CFAP299: variants seen among roughly 807,000 people sequenced by gnomAD.
The protein encoded by CFAP299 is cilia- and flagella-associated protein 299.
Under a neutral mutation model 27.0 loss-of-function variants are expected in CFAP299, and 21 were observed. The ratio of observed to expected loss-of-function variants is 0.78; its 90% CI spans 0.55 to 1.12. The LOEUF is 1.12. Among genes scored for constraint, CFAP299 ranks in the 50% most tolerant of loss-of-function variants. The pLI, the probability that CFAP299 is intolerant of heterozygous loss-of-function variation, is 0.00. For missense variants in CFAP299, 310 were observed against 276.6 expected, an observed-to-expected ratio of 1.12 and a Z score of -0.86; for synonymous variants, 104 against 98.1, an observed-to-expected ratio of 1.06 and a Z score of -0.36.
intron 2 of CFAP299, among the ~76,000 whole-genome samples, chr4:80,445,195 A>T (rs1215647708): frequency 6.6e-6 from 1 of 152,216 alleles, no homozygotes; most frequent in East Asian, 1.9e-4. Flanking sequence ...AAGGATTATA[A>T]ATCATTCTAT....
chr4:80,345,291 A>T (rs1217401806), intron 1 of CFAP299, among the ~76,000 whole-genome samples: 1 of 151,692 alleles, frequency 6.6e-6, no homozygotes, highest in Admixed American at 6.6e-5. Flanking sequence ...TATTATTATT[A>T]TACTTTAAGT....
At chr4:80,500,153 A>G (rs1731670950) in intron 2 of CFAP299, among the ~76,000 whole-genome samples, 1 of 152,248 alleles carries the variant, frequency 6.6e-6, no homozygotes, top group Non-Finnish European at 1.5e-5. Context: ...AGTGACTTCT[A>G]GTTAATCAAT....
chr4:80,776,671 G>A (rs754977578), intron 3 of CFAP299, among the ~76,000 whole-genome samples: 2 of 151,872 alleles, frequency 1.3e-5, no homozygotes, highest in African/African-American at 2.4e-5. Context: ...GTTGATAGGG[G>A]CAGCAAACCA....
chr4:80,813,185 A>C (rs1280053684), intron 3 of CFAP299, among the ~76,000 whole-genome samples: 1 of 152,080 alleles, frequency 6.6e-6, no homozygotes, highest in African/African-American at 2.4e-5. Context: ...AAACATCTAT[A>C]TACTTAATGA....
chr4:80,837,940 C>T (rs1309725776), intron 3 of CFAP299, among the ~76,000 whole-genome samples: 1 of 152,130 alleles, frequency 6.6e-6, no homozygotes, highest in African/African-American at 2.4e-5. Flanking sequence ...CTGTTGTTTC[C>T]TGACTTTTTA....
intron 3 of CFAP299, among the ~76,000 whole-genome samples, chr4:80,597,503 C>G (rs1737113361): frequency 6.6e-6 from 1 of 151,984 alleles, no homozygotes; most frequent in African/African-American, 2.4e-5. Context: ...TACCTTTTTG[C>G]TTTCTTAATG....
chr4:80,825,229 G>GA (rs1416653253), intron 3 of CFAP299, among the ~76,000 whole-genome samples: 2 of 150,846 alleles, frequency 1.3e-5, no homozygotes, highest in African/African-American at 2.4e-5. Flanking sequence ...CCGAGGAAAA[G>GA]AAAAAAAATG....
intron 3 of CFAP299, among the ~76,000 whole-genome samples, chr4:80,645,041 A>G (rs1342955348): frequency 6.6e-6 from 1 of 152,032 alleles, no homozygotes; most frequent in Non-Finnish European, 1.5e-5. Context: ...TTTTCAGTCC[A>G]GACATCCTCC....
chr4:80,702,770 G>A (rs1292500706), intron 3 of CFAP299, among the ~76,000 whole-genome samples: 3 of 151,758 alleles, frequency 2.0e-5, no homozygotes, highest in African/African-American at 7.3e-5. Flanking sequence ...TTAATTGCTA[G>A]CAAGGTTTAA....
At position 80,676,709 on chromosome 4, in the gene CFAP299, A is replaced by T. The variant is rs568689622; in HGVS notation, c.333+93526A>T. ...GTTTTATGTGTCCAGGAATTTACTC[A>T]TTTCTGCTAGGTTTTCCAATGTATT... On this transcript the variant is annotated intron_variant, in intron 3 of 5. Coordinates refer to ENST00000358105, the MANE Select transcript of CFAP299 (RefSeq NM_152770.3). Among the ~76,000 whole-genome samples, 85 of 151,846 alleles carry T rather than the reference A, an allele frequency of 5.6e-4. 1 individual carries two copies. Among genetic ancestry groups the T allele is most frequent in the African/African-American group, 1.9e-3 (78 of 41,446 alleles).
At chr4:80,378,062 A>G (rs571939726) in intron 2 of CFAP299, among the ~76,000 whole-genome samples, 12 of 152,298 alleles carry the variant, frequency 7.9e-5, no homozygotes, top group African/African-American at 2.2e-4. Context: ...CCCTCCCACA[A>G]CACCTGGGAA....
At chr4:80,537,548 C>A (rs1015142686) in intron 2 of CFAP299, among the ~76,000 whole-genome samples, 2 of 152,050 alleles carry the variant, frequency 1.3e-5, no homozygotes, top group Non-Finnish European at 2.9e-5. Context: ...ACGGATGAAC[C>A]AGAAGGGCAT....
chr4:80,925,389 T>C (rs1371850821), intron 4 of CFAP299, among the ~76,000 whole-genome samples: 1 of 151,990 alleles, frequency 6.6e-6, no homozygotes, highest in Non-Finnish European at 1.5e-5. Context: ...TACAATGATC[T>C]CTGCTATTTA....
intron 2 of CFAP299, among the ~76,000 whole-genome samples, chr4:80,499,067 C>T (rs932073830): frequency 1.3e-5 from 2 of 151,640 alleles, no homozygotes; most frequent in African/African-American, 2.4e-5. Flanking sequence ...ACACAAAGAA[C>T]AGAACAATAG....
At chr4:80,467,241 G>T (rs923138491) in intron 2 of CFAP299, among the ~76,000 whole-genome samples, 3 of 152,198 alleles carry the variant, frequency 2.0e-5, no homozygotes, top group African/African-American at 7.2e-5. Context: ...ACTGGCAAAT[G>T]CTATCAATCG....
At chr4:80,924,032 A>G (rs1736176403) in intron 4 of CFAP299, among the ~76,000 whole-genome samples, 1 of 151,976 alleles carries the variant, frequency 6.6e-6, no homozygotes, top group Admixed American at 6.6e-5. Flanking sequence ...GAAGGGAGAG[A>G]TGAAACTGAT....
chr4:80,783,758 A>T (rs901910816), intron 3 of CFAP299, among the ~76,000 whole-genome samples: 5 of 152,166 alleles, frequency 3.3e-5, no homozygotes, highest in African/African-American at 1.2e-4. Context: ...GTTTTAGTTC[A>T]ACAAAATATC....
intron 2 of CFAP299, among the ~76,000 whole-genome samples, chr4:80,397,882 A>G (rs1403188824): frequency 6.6e-6 from 1 of 152,204 alleles, no homozygotes; most frequent in Non-Finnish European, 1.5e-5. Flanking sequence ...GATAAGGAAA[A>G]GAAAAAGTCA....
At chr4:80,550,799 G>A (rs375075630) in intron 2 of CFAP299, among the ~76,000 whole-genome samples, 3 of 148,290 alleles carry the variant, frequency 2.0e-5, no homozygotes, top group Admixed American at 6.8e-5. Context: ...ACACACACAC[G>A]CATACACATG....
Sources: gnomAD v4.1 joint callset for allele counts (sites outside exome capture counted in the v4.1 genomes callset) on GRCh38, gnomAD v4.1.1 for gene constraint, MANE v1.5 for transcripts, NCBI Gene and HGNC (gene_info 2026-07-23, HGNC 2026-07-21) for gene names.